The following ADARB2 variants were observed in gnomAD, a reference collection of about 807,000 sequenced individuals.
ADARB2 encodes the protein inactive double-stranded RNA-specific editase B2.
ADARB2 carries 25 observed loss-of-function variants against 62.2 expected under a neutral mutation model. The ratio of observed to expected loss-of-function variants is 0.40; its 90% CI spans 0.29 to 0.56. ADARB2 has a LOEUF of 0.56. ADARB2 is among the 20% of genes least tolerant of loss of function. The probability of loss-of-function intolerance (pLI) is 0.43; values close to 1 mark genes in which losing one functional copy is unlikely to be tolerated. For missense variants in ADARB2, 1,071 were observed against 1,077.4 expected, an observed-to-expected ratio of 0.99 and a Z score of 0.08; for synonymous variants, 572 against 500.8, an observed-to-expected ratio of 1.14 and a Z score of -1.90.
At chr10:1,403,950 T>G (rs953560409) in intron 1 of ADARB2, among the ~76,000 whole-genome samples, 9 of 152,156 alleles carry the variant, frequency 5.9e-5, no homozygotes, top group Admixed American at 5.2e-4. Context: ...CCTGTGAATA[T>G]CAACCAGGCC....
intron 1 of ADARB2, among the ~76,000 whole-genome samples, chr10:1,636,258 T>C (rs1588332839): frequency 1.3e-5 from 2 of 152,204 alleles, no homozygotes; most frequent in East Asian, 3.8e-4. Flanking sequence ...GGCTCACGCC[T>C]GTAATCCCAA....
intron 1 of ADARB2, among the ~76,000 whole-genome samples, chr10:1,484,522 A>G (rs1831518209): frequency 6.6e-6 from 1 of 152,208 alleles, no homozygotes; most frequent in Non-Finnish European, 1.5e-5. Flanking sequence ...TGCTGGGTGG[A>G]ACGTAAGGAA....
At chr10:1,204,721 C>A (rs72760997) in intron 7 of ADARB2, among the ~76,000 whole-genome samples, 1 of 152,272 alleles carries the variant, frequency 6.6e-6, no homozygotes, top group Non-Finnish European at 1.5e-5. Context: ...CCAGCACCAT[C>A]GTGACTGCCT....
chr10:1,276,746 C>A (rs1831321591), intron 3 of ADARB2, among the ~76,000 whole-genome samples: 1 of 152,038 alleles, frequency 6.6e-6, no homozygotes, highest in African/African-American at 2.4e-5. Flanking sequence ...CAGCTCTGCA[C>A]CAAGCAGACC....
intron 1 of ADARB2, among the ~76,000 whole-genome samples, chr10:1,570,594 C>A (rs1358166068): frequency 6.6e-6 from 1 of 152,244 alleles, no homozygotes; most frequent in Non-Finnish European, 1.5e-5. Context: ...AGTCTTACAT[C>A]ATTTCTCTCA....
At chr10:1,696,128 T>C (rs954810672) in intron 1 of ADARB2, among the ~76,000 whole-genome samples, 6 of 148,382 alleles carry the variant, frequency 4.0e-5, no homozygotes, top group Admixed American at 1.4e-4. Context: ...TGTTTGCATG[T>C]AGTATCACAC....
intron 1 of ADARB2, among the ~76,000 whole-genome samples, chr10:1,626,692 T>C (rs954147958): frequency 6.6e-6 from 1 of 152,152 alleles, no homozygotes; most frequent in Non-Finnish European, 1.5e-5. Context: ...GCCAGGGCCA[T>C]GGGCAGAGGG....
intron 1 of ADARB2, among the ~76,000 whole-genome samples, chr10:1,672,709 CG>C (rs942853597): frequency 5.6e-5 from 6 of 107,054 alleles, no homozygotes; most frequent in Non-Finnish European, 1.4e-4. Context: ...CCAGGCCCCC[CG>C]CCTGCCTCCT....
chr10:1,320,262 A>G (rs1437565421), intron 3 of ADARB2, among the ~76,000 whole-genome samples: 2 of 152,212 alleles, frequency 1.3e-5, no homozygotes, highest in Admixed American at 1.3e-4. Flanking sequence ...GTGAGTCTCA[A>G]TAAACATCAT....
intron 1 of ADARB2, among the ~76,000 whole-genome samples, chr10:1,651,857 C>G (rs778929875): frequency 6.6e-6 from 1 of 151,992 alleles, no homozygotes; most frequent in Non-Finnish European, 1.5e-5. Context: ...CCACACGACC[C>G]AGGGTTGGTT....
chr10:1,190,960 G>A (rs1427198670), intron 8 of ADARB2, among the ~76,000 whole-genome samples: 1 of 152,236 alleles, frequency 6.6e-6, no homozygotes, highest in Non-Finnish European at 1.5e-5. Flanking sequence ...TCCGGAGGAG[G>A]GGCAGCCCCA....
At chr10:1,705,444 GGCA>G (rs2119145556) in intron 1 of ADARB2, among the ~76,000 whole-genome samples, 1 of 152,336 alleles carries the variant, frequency 6.6e-6, no homozygotes, top group East Asian at 1.9e-4. Flanking sequence ...GGAGCCCCAG[GGCA>G]GCAGCAGGAG....
At chr10:1,561,454 A>G (rs1251244224) in intron 1 of ADARB2, among the ~76,000 whole-genome samples, 3 of 152,248 alleles carry the variant, frequency 2.0e-5, no homozygotes, top group South Asian at 2.1e-4. Context: ...CTGAGGGTTT[A>G]TGATGGGCTC....
chr10:1,670,740 A>G (rs370070410), intron 1 of ADARB2, among the ~76,000 whole-genome samples: 14 of 152,206 alleles, frequency 9.2e-5, no homozygotes, highest in African/African-American at 3.4e-4. Flanking sequence ...CCGGGCACAC[A>G]GTGGGGCCAA....
chr10:1,244,635 G>A (rs1292687973), intron 4 of ADARB2, among the ~76,000 whole-genome samples: 2 of 152,208 alleles, frequency 1.3e-5, no homozygotes, highest in Middle Eastern at 3.2e-3. Flanking sequence ...CACAGGAGAC[G>A]CGAAGCCTGG....
intron 1 of ADARB2, among the ~76,000 whole-genome samples, chr10:1,465,495 C>T (rs1257963703): frequency 2.0e-5 from 3 of 152,182 alleles, no homozygotes; most frequent in African/African-American, 7.2e-5. Context: ...TCACTGTGTC[C>T]TTGGGGACCG....
chr10:1,549,303 A>C (rs1588298036), intron 1 of ADARB2, among the ~76,000 whole-genome samples: 2 of 152,258 alleles, frequency 1.3e-5, no homozygotes, highest in Admixed American at 1.3e-4. Flanking sequence ...GCAGGCAAAC[A>C]AGTTTCCTCA....
chr10:1,343,442 G>A (rs1832050496), intron 3 of ADARB2, among the ~76,000 whole-genome samples: 1 of 152,202 alleles, frequency 6.6e-6, no homozygotes, highest in South Asian at 2.1e-4. Context: ...GATTAGCTCG[G>A]CCATTGTGGA....
At chr10:1,530,558 C>T (rs769681074) in intron 1 of ADARB2, among the ~76,000 whole-genome samples, 4 of 152,230 alleles carry the variant, frequency 2.6e-5, no homozygotes, top group Non-Finnish European at 2.9e-5. Flanking sequence ...GCTCTTCATG[C>T]GGAGCCTGAG....
Sources: allele counts gnomAD v4.1 joint callset (sites outside exome capture counted in the v4.1 genomes callset), GRCh38; gene constraint gnomAD v4.1.1; transcripts MANE v1.5; gene names NCBI Gene and HGNC (gene_info 2026-07-23, HGNC 2026-07-21).